The following NUDCD3 variants were observed in gnomAD, a reference collection of about 807,000 sequenced individuals.
The protein encoded by NUDCD3 is nudC domain-containing protein 3.
In NUDCD3, 13 loss-of-function variants were observed where a neutral mutation model predicts 39.7. That is an observed-to-expected ratio of 0.33 (90% CI 0.21 to 0.52). The LOEUF is 0.52. Ranked by LOEUF, NUDCD3 falls within the 20% of genes least tolerant of loss-of-function variation. The pLI, the probability that NUDCD3 is intolerant of heterozygous loss-of-function variation, is 0.96. For synonymous variants in NUDCD3, 175 were observed against 172.4 expected, an observed-to-expected ratio of 1.02 and a Z score of -0.12; for missense variants, 453 against 458.1, an observed-to-expected ratio of 0.99 and a Z score of 0.10.
chr7:44,407,585 A>AC (rs1798852767), intron 3 of NUDCD3, among the ~76,000 whole-genome samples: 1 of 151,458 alleles, frequency 6.6e-6, no homozygotes. Context: ...AAAAAAAAAA[A>AC]ACTAGAGAAC....
intron 4 of NUDCD3, among the ~76,000 whole-genome samples, chr7:44,395,356 G>A (rs1161988733): frequency 2.0e-5 from 3 of 152,192 alleles, no homozygotes; most frequent in African/African-American, 4.8e-5. Flanking sequence ...TATTTTATGA[G>A]GAGATGTGAG....
chr7:44,461,031 G>A (rs762207689), intron 2 of NUDCD3, among the ~76,000 whole-genome samples: 2 of 152,102 alleles, frequency 1.3e-5, no homozygotes, highest in Non-Finnish European at 2.9e-5. Flanking sequence ...AAAACCCGAC[G>A]GGTTCAACTC....
chr7:44,449,009 C>T (rs1291610073), intron 2 of NUDCD3, among the ~76,000 whole-genome samples: 1 of 152,166 alleles, frequency 6.6e-6, no homozygotes, highest in African/African-American at 2.4e-5. Context: ...GACAACTAAA[C>T]TCCAAATTAA....
At position 44,385,824 on chromosome 7, in the gene NUDCD3, C is replaced by T. The variant is rs1798391520; in HGVS notation, c.*187G>A. On this transcript the variant is annotated 3_prime_UTR_variant, in exon 6 of 6. Transcript: ENST00000355451. ...ACAGCGGCCACCACATAGCAGCTGGCCCCGCACCTTCTCTGGAACAGTCTG... is the reference window on the plus strand; with the variant it reads ...ACAGCGGCCACCACATAGCAGCTGGTCCCGCACCTTCTCTGGAACAGTCTG... 6.8e-6 allele frequency: 4 copies of T among 585,850 alleles called. No individual in the cohort carries two copies. The South Asian group carries it at 8.3e-5, about 12-fold the overall frequency. The allele number at this position is 585,850 out of a possible 1,614,324, so 36.3% of individuals were successfully genotyped here.
chr7:44,453,912 G>T (rs545147622), intron 2 of NUDCD3, among the ~76,000 whole-genome samples: 1 of 152,134 alleles, frequency 6.6e-6, no homozygotes, highest in Non-Finnish European at 1.5e-5. Context: ...GGGTGGTGGT[G>T]CATGTCTGTG....
At chr7:44,489,999 T>C (rs886682896) in intron 1 of NUDCD3, 1 of 161,054 alleles carries the variant, frequency 6.2e-6, no homozygotes, top group African/African-American at 2.4e-5. Flanking sequence ...CCACACCCAT[T>C]GATCAACACA....
At chr7:44,422,355 GT>G (rs900569017) in intron 3 of NUDCD3, among the ~76,000 whole-genome samples, 30 of 151,900 alleles carry the variant, frequency 2.0e-4, no homozygotes, top group African/African-American at 7.0e-4. Context: ...TCCAGGAGCT[GT>G]TTTTTTTAAA....
At chr7:44,461,168 G>C (rs201606165) in intron 2 of NUDCD3, among the ~76,000 whole-genome samples, 1 of 151,998 alleles carries the variant, frequency 6.6e-6, no homozygotes, top group African/African-American at 2.4e-5. Context: ...TGGCTTCTTC[G>C]GCCCTGCACC....
intron 2 of NUDCD3, among the ~76,000 whole-genome samples, chr7:44,437,605 C>T (rs539938694): frequency 1.3e-5 from 2 of 152,272 alleles, no homozygotes; most frequent in African/African-American, 4.8e-5. Flanking sequence ...GTTGGGGCAG[C>T]CCCACTGATA....
chr7:44,488,983 T>C (rs1299364098), intron 1 of NUDCD3, among the ~76,000 whole-genome samples: 1 of 152,032 alleles, frequency 6.6e-6, no homozygotes, highest in Non-Finnish European at 1.5e-5. Flanking sequence ...ATATACTCCT[T>C]TCTCCTCCAC....
chr7:44,398,807 G>A (rs1057475055), intron 4 of NUDCD3, among the ~76,000 whole-genome samples: 3 of 152,152 alleles, frequency 2.0e-5, no homozygotes, highest in South Asian at 2.1e-4. Flanking sequence ...TCAGAGCGAG[G>A]GCAGATAACG....
chr7:44,427,349 T>C (rs1419526776), intron 3 of NUDCD3, among the ~76,000 whole-genome samples: 2 of 152,108 alleles, frequency 1.3e-5, no homozygotes, highest in Non-Finnish European at 2.9e-5. Context: ...GGGTTCACCA[T>C]CCCCAAAGGG....
At chr7:44,404,184 A>T (rs1164902756) in intron 4 of NUDCD3, among the ~76,000 whole-genome samples, 1 of 152,106 alleles carries the variant, frequency 6.6e-6, no homozygotes, top group Non-Finnish European at 1.5e-5. Flanking sequence ...TTTCATTTTC[A>T]ATTTACTTGT....
chr7:44,455,252 A>T (rs576197346), intron 2 of NUDCD3, among the ~76,000 whole-genome samples: 1 of 152,168 alleles, frequency 6.6e-6, no homozygotes, highest in Admixed American at 6.5e-5. Flanking sequence ...AGCTGAAGTC[A>T]ATCACATGCT....
At chr7:44,410,053 T>TTTG (rs1798893715) in intron 3 of NUDCD3, among the ~76,000 whole-genome samples, 1 of 152,108 alleles carries the variant, frequency 6.6e-6, no homozygotes, top group African/African-American at 2.4e-5. Context: ...TGAGGGACAC[T>TTTG]ATTAAGCATA....
At chr7:44,463,140 G>A (rs1800050274) in intron 2 of NUDCD3, among the ~76,000 whole-genome samples, 1 of 152,176 alleles carries the variant, frequency 6.6e-6, no homozygotes, top group African/African-American at 2.4e-5. Context: ...AGGGTCAGGA[G>A]GCAGAGATGC....
chr7:44,456,754 T>TA (rs397889034), intron 2 of NUDCD3, among the ~76,000 whole-genome samples: 19,417 of 142,294 alleles, frequency 0.14, 1,499 homozygotes, highest in Non-Finnish European at 0.19. Context: ...AGACCAATCT[T>TA]AAAAAAAAAA....
At chr7:44,479,858 C>T (rs959546947) in intron 2 of NUDCD3, among the ~76,000 whole-genome samples, 1 of 152,188 alleles carries the variant, frequency 6.6e-6, no homozygotes, top group African/African-American at 2.4e-5. Context: ...AAAGGTAGAA[C>T]AAGGAAAAGG....
intron 2 of NUDCD3, among the ~76,000 whole-genome samples, chr7:44,429,537 C>T (rs1042783628): frequency 2.0e-5 from 3 of 152,174 alleles, no homozygotes; most frequent in Non-Finnish European, 4.4e-5. Context: ...GACTTCCCCT[C>T]TAGGAACTGT....
Sources: allele counts gnomAD v4.1 joint callset (sites outside exome capture counted in the v4.1 genomes callset), GRCh38; gene constraint gnomAD v4.1.1; transcripts MANE v1.5; gene names NCBI Gene and HGNC (gene_info 2026-07-23, HGNC 2026-07-21).